Variants in CHKA observed in about 807,000 individuals in gnomAD.
CHKA encodes the protein CHETK-alpha.
CHKA carries 34 observed loss-of-function variants against 60.1 expected under a neutral mutation model. That is an observed-to-expected ratio of 0.57 (90% CI 0.43 to 0.75). The LOEUF is 0.75. Ranked by LOEUF, CHKA falls within the 30% of genes least tolerant of loss-of-function variation. The pLI is 0.00. For missense variants in CHKA, 563 were observed against 561.3 expected (o/e 1.00, Z -0.03); for synonymous variants, 217 against 223.1 (o/e 0.97, Z 0.24).
intron 11 of CHKA, chr11:68,061,713 G>A: frequency 1.8e-6 from 1 of 565,096 alleles, no homozygotes; most frequent in South Asian, 1.5e-5. Flanking sequence ...AGGTCAGCTG[G>A]CCTGGAAGTG....
chr11:68,068,856 T>C, intron 7 of CHKA, 23 bp downstream of exon 7: 1 of 1,572,442 alleles, frequency 6.4e-7, no homozygotes, highest in South Asian at 1.1e-5. Flanking sequence ...ACCTCATCTG[T>C]AACAGAACAT....
At chr11:68,068,031 T>TG (rs1373333379) in intron 7 of CHKA, among the ~76,000 whole-genome samples, 11 of 152,056 alleles carry the variant, frequency 7.2e-5, no homozygotes, top group Non-Finnish European at 1.6e-4. Context: ...AGCTGCATAG[T>TG]GGGGGGCCTC....
intron 1 of CHKA, among the ~76,000 whole-genome samples, chr11:68,102,979 A>AT (rs1857781264): frequency 2.6e-5 from 4 of 151,970 alleles, no homozygotes; most frequent in Non-Finnish European, 5.9e-5. Context: ...GTTTAAAAAA[A>AT]AAAAAATATA....
intron 2 of CHKA, among the ~76,000 whole-genome samples, chr11:68,096,735 CA>C (rs1478858030): frequency 6.6e-6 from 1 of 152,148 alleles, no homozygotes; most frequent in African/African-American, 2.4e-5. Context: ...AACCAAGAAT[CA>C]TCAAGCACTA....
At chr11:68,114,293 G>A (rs999399820) in intron 1 of CHKA, among the ~76,000 whole-genome samples, 7 of 152,174 alleles carry the variant, frequency 4.6e-5, no homozygotes, top group East Asian at 1.9e-4. Context: ...TGCCAAAACC[G>A]TGAAGTAACC....
At chr11:68,112,277 C>T (rs911277024) in intron 1 of CHKA, among the ~76,000 whole-genome samples, 9 of 74,050 alleles carry the variant, frequency 1.2e-4, no homozygotes, top group South Asian at 5.2e-4. Flanking sequence ...TTTTTTGAGA[C>T]GGAGTCTCAC....
At chr11:68,059,839 A>C (rs1471931116) in intron 11 of CHKA, among the ~76,000 whole-genome samples, 1 of 152,136 alleles carries the variant, frequency 6.6e-6, no homozygotes, top group Non-Finnish European at 1.5e-5. Context: ...TATTCATTTG[A>C]AAAGAATGTG....
At chr11:68,069,998 T>C (rs930085987) in intron 6 of CHKA, among the ~76,000 whole-genome samples, 191 bp downstream of exon 6, 1 of 152,256 alleles carries the variant, frequency 6.6e-6, no homozygotes, top group African/African-American at 2.4e-5. Flanking sequence ...CGTGTGGGCT[T>C]CTAGTCCATA....
intron 11 of CHKA, among the ~76,000 whole-genome samples, chr11:68,060,219 A>G (rs1856183515): frequency 6.6e-6 from 1 of 151,006 alleles, no homozygotes; most frequent in South Asian, 2.1e-4. Context: ...TTTTTAGTAG[A>G]GACGGGGTTT....
intron 3 of CHKA, among the ~76,000 whole-genome samples, chr11:68,077,558 C>T (rs1856833655): frequency 6.6e-6 from 1 of 152,198 alleles, no homozygotes; most frequent in Non-Finnish European, 1.5e-5. Context: ...CTCATTAATA[C>T]ATTTGCCTAA....
At chr11:68,100,888 A>G (rs1283016557) in intron 1 of CHKA, among the ~76,000 whole-genome samples, 1 of 145,130 alleles carries the variant, frequency 6.9e-6, no homozygotes, top group Admixed American at 7.0e-5. Context: ...TCAACCCATG[A>G]TTCCTTAAAA....
intron 5 of CHKA, 86 bp downstream of exon 5, chr11:68,070,638 A>C (rs991528949): frequency 6.3e-6 from 9 of 1,432,656 alleles, no homozygotes; most frequent in Non-Finnish European, 8.7e-6. Context: ...ACCTCTGACT[A>C]CTGTGGCAAA....
At position 68,053,732 on chromosome 11, in the gene CHKA, G is replaced by C. The variant is rs1313350791; in HGVS notation, c.*256C>G. 2.5e-6 allele frequency: 1 copy of C among 400,362 alleles called. No individual in the cohort carries two copies. The allele number at this position is 400,362 out of a possible 1,614,324, so 24.8% of individuals were successfully genotyped here. ...ATGAAATGCCTTCTCTAGATTAAAA[G>C]GATTCAGAGATGTTGCACTATTGCA... On this transcript the variant is annotated 3_prime_UTR_variant, in exon 12 of 12. Transcript: ENST00000265689.
chr11:68,095,267 G>C (rs1857461210), intron 2 of CHKA, among the ~76,000 whole-genome samples: 1 of 151,534 alleles, frequency 6.6e-6, no homozygotes, highest in Non-Finnish European at 1.5e-5. Flanking sequence ...GCCAGGCGTG[G>C]TGGCGGACAC....
At chr11:68,112,373 T>C (rs1481512073) in intron 1 of CHKA, among the ~76,000 whole-genome samples, 1 of 152,152 alleles carries the variant, frequency 6.6e-6, no homozygotes, top group East Asian at 1.9e-4. Context: ...TCTTCCTGCC[T>C]TAGCCTCCTG....
Position 68,120,988 on chromosome 11 carries a change from G to A in CHKA, c.190C>T (p.Pro64Ser), listed in dbSNP as rs995885133. The A allele has an allele frequency of 1.7e-5, 19 of 1,120,382 alleles. No homozygotes were observed. In the Admixed American group the frequency reaches 2.0e-4, roughly 12 times the overall value. The allele number at this position is 1,120,382 out of a possible 1,614,324, so 69.4% of individuals were successfully genotyped here. ...GGCTGGGGCAGCGGCAGCGGCAGCG[G>A]CAGCGGCGGCGGAGGGGGCAGCGCG... ...PLALPPPPPL[P>S]LPLPLPQPPP... The change falls in exon 1 of 12, where the codon CCG (proline) becomes TCG (serine). Residue 64 changes from proline (P) to serine (S), a missense_variant. Transcript: ENST00000265689.
intron 4 of CHKA, 112 bp from the exon 5 acceptor site, chr11:68,070,969 C>G: frequency 1.0e-6 from 1 of 997,300 alleles, no homozygotes; most frequent in Admixed American, 2.4e-5. Flanking sequence ...AAGTCTCACC[C>G]AATGCCCCAA....
chr11:68,107,240 A>C (rs1334600616), intron 1 of CHKA, among the ~76,000 whole-genome samples: 1 of 151,204 alleles, frequency 6.6e-6, no homozygotes, highest in Admixed American at 6.6e-5. Flanking sequence ...TGACAGAGTG[A>C]GACTCTGTCT....
intron 3 of CHKA, among the ~76,000 whole-genome samples, chr11:68,080,179 C>T (rs1422350009): frequency 6.6e-6 from 1 of 152,112 alleles, no homozygotes; most frequent in East Asian, 1.9e-4. Flanking sequence ...CACTTCCCAC[C>T]CAAGGACTTC....
Sources: gnomAD v4.1 joint callset for allele counts (sites outside exome capture counted in the v4.1 genomes callset) on GRCh38, gnomAD v4.1.1 for gene constraint, MANE v1.5 for transcripts, NCBI Gene and HGNC (gene_info 2026-07-23, HGNC 2026-07-21) for gene names.